The following BCAR3 variants were observed in gnomAD, a reference collection of about 807,000 sequenced individuals.
BCAR3 encodes the protein breast cancer anti-estrogen resistance protein 3.
Under a neutral mutation model 80.1 loss-of-function variants are expected in BCAR3, and 37 were observed. That is an observed-to-expected ratio of 0.46 (90% CI 0.36 to 0.61). BCAR3 has a LOEUF of 0.61. Among genes scored for constraint, BCAR3 ranks in the 20% least tolerant of loss-of-function variants. BCAR3 has a pLI of 0.00. For synonymous variants in BCAR3, 389 were observed against 418.9 expected, an observed-to-expected ratio of 0.93 and a Z score of 0.87; for missense variants, 978 against 1,068.2, an observed-to-expected ratio of 0.92 and a Z score of 1.18.
intron 3 of BCAR3, among the ~76,000 whole-genome samples, chr1:93,605,235 A>G (rs1674740304): frequency 6.6e-6 from 1 of 152,212 alleles, no homozygotes. Flanking sequence ...ACTTCAGAGG[A>G]AGGCCGAAGG....
chr1:93,567,698 C>A (rs1176130274), intron 10 of BCAR3, 42 bp downstream of exon 10: 1 of 1,566,984 alleles, frequency 6.4e-7, no homozygotes, highest in Admixed American at 1.7e-5. Flanking sequence ...TACTCCACTC[C>A]CCAGCGGGGT....
At chr1:93,823,905 G>T (rs1654301516) in intron 2 of BCAR3, among the ~76,000 whole-genome samples, 1 of 132,740 alleles carries the variant, frequency 7.5e-6, no homozygotes, top group Admixed American at 7.9e-5. Context: ...TCACCATGTT[G>T]GCCAGGATGG....
intron 2 of BCAR3, among the ~76,000 whole-genome samples, chr1:93,744,190 CATG>C (rs758245697): frequency 2.0e-5 from 3 of 152,194 alleles, no homozygotes; most frequent in Non-Finnish European, 4.4e-5. Context: ...AAGCTCAGAG[CATG>C]ATGAGAGTCT....
intron 11 of BCAR3, among the ~76,000 whole-genome samples, chr1:93,565,934 T>C (rs1672930918): frequency 6.6e-6 from 1 of 152,234 alleles, no homozygotes; most frequent in Non-Finnish European, 1.5e-5. Context: ...TCATCCTTGA[T>C]GACTGCCTTG....
chr1:93,725,396 C>T (rs1321029079), intron 2 of BCAR3, among the ~76,000 whole-genome samples: 1 of 152,178 alleles, frequency 6.6e-6, no homozygotes, highest in Admixed American at 6.5e-5. Context: ...CTAATGAGGC[C>T]GAGCATCTTT....
intron 2 of BCAR3, chr1:93,775,235 C>A (rs1652503584): frequency 6.6e-6 from 1 of 152,218 alleles, no homozygotes; most frequent in African/African-American, 2.4e-5. Context: ...GGTGCTGATG[C>A]TTTTATCTCT....
intron 1 of BCAR3, among the ~76,000 whole-genome samples, chr1:93,676,025 A>G (rs1164930228): frequency 6.7e-6 from 1 of 149,640 alleles, no homozygotes; most frequent in Non-Finnish European, 1.5e-5. Context: ...TCTGGACAGC[A>G]CTGCAGGGTG....
chr1:93,766,467 G>A (rs80172471), intron 2 of BCAR3, among the ~76,000 whole-genome samples: 286 of 152,348 alleles, frequency 1.9e-3, no homozygotes, highest in African/African-American at 6.7e-3. Context: ...CAGGAAGTGG[G>A]CAGCCAGAGC....
Position 93,562,317 on chromosome 1 carries a change from T to A in BCAR3, c.2402A>T (p.Tyr801Phe), listed in dbSNP as rs1412643042. 2.5e-6 allele frequency: 4 copies of A among 1,614,186 alleles called. No individual in the cohort carries two copies. The highest frequency in any genetic ancestry group is 3.4e-6 in the Non-Finnish European group (4 of 1,180,010). The change falls in exon 12 of 12, where the codon TAT (tyrosine) becomes TTT (phenylalanine). Residue 801 changes from tyrosine to phenylalanine, a missense_variant. Tyr to Phe is a conservative substitution (Grantham distance 22). Transcript: ENST00000260502. ...KGAQVNQTERYEKFNQILTAL... is the reference protein window; with the variant it reads ...KGAQVNQTERFEKFNQILTAL... Reference sequence around the variant, plus strand: ...AGTTAAAATCTGGTTGAATTTCTCATATCTCTCTGTCTGATTGACTTGTGC... The same window carrying A: ...AGTTAAAATCTGGTTGAATTTCTCAAATCTCTCTGTCTGATTGACTTGTGC...
chr1:93,579,362 A>G (rs1207027926), intron 7 of BCAR3, among the ~76,000 whole-genome samples: 1 of 152,200 alleles, frequency 6.6e-6, no homozygotes, highest in Non-Finnish European at 1.5e-5. Flanking sequence ...TAACATGGAA[A>G]TGGTGGTAGA....
intron 3 of BCAR3, among the ~76,000 whole-genome samples, chr1:93,627,747 G>A (rs991968569): frequency 3.3e-5 from 5 of 152,162 alleles, no homozygotes; most frequent in Admixed American, 2.6e-4. Context: ...AACATGATGA[G>A]TATCAATAGC....
chr1:93,634,120 T>G (rs1417799487), intron 3 of BCAR3, among the ~76,000 whole-genome samples: 1 of 152,254 alleles, frequency 6.6e-6, no homozygotes, highest in Non-Finnish European at 1.5e-5. Flanking sequence ...TTTTCAACCA[T>G]TTATTTGTTT....
At chr1:93,718,688 C>CTTTTTTTTT (rs71094259) in intron 2 of BCAR3, among the ~76,000 whole-genome samples, 6 of 77,038 alleles carry the variant, frequency 7.8e-5, no homozygotes, top group African/African-American at 1.5e-4. Flanking sequence ...CATTGTTTTT[C>CTTTTTTTTT]TTTTTTTTTT....
upstream of BCAR3, among the ~76,000 whole-genome samples, chr1:93,686,502 C>T (rs1313441550): frequency 6.6e-6 from 1 of 152,238 alleles, no homozygotes; most frequent in Non-Finnish European, 1.5e-5. Flanking sequence ...AACTACTATG[C>T]TAAGTGCTTT....
At chr1:93,665,397 CAA>C (rs775678637) in intron 2 of BCAR3, among the ~76,000 whole-genome samples, 3 of 144,676 alleles carry the variant, frequency 2.1e-5, no homozygotes, top group African/African-American at 7.6e-5. Flanking sequence ...ATTCTATCAT[CAA>C]AAAAAAAAAA....
chr1:93,596,145 A>T (rs541591688), intron 3 of BCAR3, among the ~76,000 whole-genome samples: 4 of 152,326 alleles, frequency 2.6e-5, no homozygotes, highest in Non-Finnish European at 5.9e-5. Flanking sequence ...GAATGCCCTA[A>T]GAATCCTCCT....
chr1:93,646,370 G>C (rs1042934491), intron 2 of BCAR3: 2 of 151,904 alleles, frequency 1.3e-5, no homozygotes, highest in Non-Finnish European at 2.9e-5. Flanking sequence ...TGGGAGGCCG[G>C]GGCATGTGGA....
intron 2 of BCAR3, among the ~76,000 whole-genome samples, chr1:93,730,996 C>T (rs933041518): frequency 2.6e-5 from 4 of 152,226 alleles, no homozygotes; most frequent in African/African-American, 9.6e-5. Flanking sequence ...AAAGGTACTG[C>T]ACCTCTGTGG....
chr1:93,669,130 T>A (rs892779264), intron 2 of BCAR3, among the ~76,000 whole-genome samples: 1 of 152,206 alleles, frequency 6.6e-6, no homozygotes, highest in African/African-American at 2.4e-5. Context: ...TGTTTGCATG[T>A]GGACCTTCGC....
Sources: gnomAD v4.1 joint callset for allele counts (sites outside exome capture counted in the v4.1 genomes callset) on GRCh38, gnomAD v4.1.1 for gene constraint, MANE v1.5 for transcripts, NCBI Gene and HGNC (gene_info 2026-07-23, HGNC 2026-07-21) for gene names.